Variants in RBMS3 observed in about 807,000 individuals in gnomAD.
The protein encoded by RBMS3 is RNA-binding motif, single-stranded-interacting protein 3.
RBMS3 carries 27 observed loss-of-function variants against 66.8 expected under a neutral mutation model. That is an observed-to-expected ratio of 0.40 (90% CI 0.30 to 0.56). The LOEUF is 0.56. Among genes scored for constraint, RBMS3 ranks in the 20% least tolerant of loss-of-function variants. The probability of loss-of-function intolerance (pLI) is 0.40; values close to 1 mark genes in which losing one functional copy is unlikely to be tolerated. For missense variants in RBMS3, 513 were observed against 549.5 expected (o/e 0.93, Z 0.66); for synonymous variants, 188 against 183.0 (o/e 1.03, Z -0.22).
rs71295051 is a variant in RBMS3, at chr3:29,796,712, C to CTTTTTTTTTTTTTTTTTT, written c.637+33740_637+33741insTTTTTTTTTTTTTTTTTT. Among the ~76,000 whole-genome samples, 30 of 115,270 alleles carry CTTTTTTTTTTTTTTTTTT rather than the reference C, an allele frequency of 2.6e-4. 5 individuals carry two copies. The highest frequency in any genetic ancestry group is 8.1e-4 in the African/African-American group (22 of 27,142). 75.6% of individuals were successfully genotyped at this position (115,270 alleles called of 152,430 possible). On this transcript the variant is annotated intron_variant, in intron 6 of 14. Transcript: ENST00000383767. ...TGAGAAGTAATATTTTGAAAGGAAT[C>CTTTTTTTTTTTTTTTTTT]TTTTTTTTTTTTTTTTTGGAGATGG...
intron 1 of RBMS3, among the ~76,000 whole-genome samples, chr3:29,416,653 G>C (rs2040488931): frequency 6.6e-6 from 1 of 152,006 alleles, no homozygotes; most frequent in Non-Finnish European, 1.5e-5. Context: ...GTTATTGCTA[G>C]CTGTTTTGTG....
chr3:29,864,838 GAAGGGAAGGGA>G (rs1190859989), intron 6 of RBMS3, among the ~76,000 whole-genome samples: 2 of 147,362 alleles, frequency 1.4e-5, no homozygotes, highest in Non-Finnish European at 3.0e-5. Context: ...GAAGGGAAGG[GAAGGGAAGGGA>G]AAGGGAAGGG....
chr3:29,741,405 A>G (rs865804163), intron 5 of RBMS3, among the ~76,000 whole-genome samples: 6 of 152,172 alleles, frequency 3.9e-5, no homozygotes, highest in South Asian at 2.1e-4. Context: ...AGTCATTCTT[A>G]TATAGTGTGC....
chr3:29,832,166 A>G (rs2058386527), intron 6 of RBMS3, among the ~76,000 whole-genome samples: 3 of 152,218 alleles, frequency 2.0e-5, no homozygotes. Context: ...TTTACTAGAC[A>G]AATGTTCTTA....
At chr3:29,824,403 G>T (rs1260390060) in intron 6 of RBMS3, among the ~76,000 whole-genome samples, 1 of 152,018 alleles carries the variant, frequency 6.6e-6, no homozygotes, top group Non-Finnish European at 1.5e-5. Flanking sequence ...ATAAATTTCT[G>T]TTGTTTATAA....
chr3:29,874,184 T>C (rs558239385), intron 7 of RBMS3, among the ~76,000 whole-genome samples: 1 of 152,300 alleles, frequency 6.6e-6, no homozygotes, highest in South Asian at 2.1e-4. Context: ...ACACAACATT[T>C]CTATTAGCTT....
At chr3:29,725,979 A>C (rs898000460) in intron 4 of RBMS3, among the ~76,000 whole-genome samples, 1 of 152,154 alleles carries the variant, frequency 6.6e-6, no homozygotes, top group Non-Finnish European at 1.5e-5. Context: ...TGCAAACCGA[A>C]TCTGGCAGCA....
Position 29,954,933 on chromosome 3 carries a change from A to G in RBMS3, c.1098+10679A>G, listed in dbSNP as rs143670414. On this transcript the variant is annotated intron_variant, in intron 12 of 14. Coordinates refer to ENST00000383767, the MANE Select transcript of RBMS3 (RefSeq NM_001003793.3). ...GAACAATTAGGAGTTACCTTAGTAGATAATTATCCCTACCATCTGATCACT... is the reference window on the plus strand; with the variant it reads ...GAACAATTAGGAGTTACCTTAGTAGGTAATTATCCCTACCATCTGATCACT... 9.5e-3 allele frequency among the ~76,000 whole-genome samples: 1,439 copies of G among 152,200 alleles called. 73 individuals carry two copies. The highest frequency in any genetic ancestry group is 0.077 in the Admixed American group (1,175 of 15,258).
chr3:29,614,322 A>G (rs2048586403), intron 4 of RBMS3: 1 of 152,152 alleles, frequency 6.6e-6, no homozygotes, highest in African/African-American at 2.4e-5. Context: ...GAGGGTGGAC[A>G]GGAATTAGAA....
chr3:29,374,842 A>G (rs2038385716), intron 1 of RBMS3, among the ~76,000 whole-genome samples: 1 of 152,350 alleles, frequency 6.6e-6, no homozygotes, highest in East Asian at 1.9e-4. Context: ...ACCATTATCT[A>G]TGCTTTGGCA....
chr3:29,319,579 A>G (rs527813034), intron 1 of RBMS3, among the ~76,000 whole-genome samples: 4 of 152,136 alleles, frequency 2.6e-5, no homozygotes, highest in African/African-American at 9.6e-5. Flanking sequence ...ACGGTACCTC[A>G]TTTAATCCTC....
intron 5 of RBMS3, among the ~76,000 whole-genome samples, chr3:29,749,234 A>G (rs530158574): frequency 1.2e-4 from 18 of 152,322 alleles, no homozygotes; most frequent in East Asian, 7.7e-4. Flanking sequence ...TTCTGGATTT[A>G]GTCTAAAATA....
chr3:29,453,212 T>C (rs1043182269), intron 2 of RBMS3, among the ~76,000 whole-genome samples: 11 of 152,322 alleles, frequency 7.2e-5, no homozygotes, highest in South Asian at 2.1e-4. Flanking sequence ...TGTTTTAGTA[T>C]GTAGCATTTG....
At chr3:29,425,885 C>G (rs1344813824) in intron 1 of RBMS3, among the ~76,000 whole-genome samples, 1 of 152,108 alleles carries the variant, frequency 6.6e-6, no homozygotes, top group Non-Finnish European at 1.5e-5. Flanking sequence ...TCTAGCTCAT[C>G]GTGAAAGCAG....
intron 4 of RBMS3, among the ~76,000 whole-genome samples, chr3:29,648,570 G>T (rs1451219966): frequency 6.6e-6 from 1 of 151,994 alleles, no homozygotes; most frequent in Non-Finnish European, 1.5e-5. Context: ...ACCACAACTG[G>T]CTAGGGGAAA....
chr3:29,814,697 G>C (rs2057829305), intron 6 of RBMS3, among the ~76,000 whole-genome samples: 1 of 152,016 alleles, frequency 6.6e-6, no homozygotes, highest in Non-Finnish European at 1.5e-5. Context: ...ACTTCTTCCT[G>C]GTTTAGTCTT....
chr3:29,937,447 T>G (rs561724551), intron 11 of RBMS3, among the ~76,000 whole-genome samples: 1 of 152,024 alleles, frequency 6.6e-6, no homozygotes. Flanking sequence ...TTTAAGAATA[T>G]AAGAAGTTAC....
chr3:29,424,412 A>T (rs2040861815), intron 1 of RBMS3, among the ~76,000 whole-genome samples: 1 of 152,208 alleles, frequency 6.6e-6, no homozygotes. Context: ...CAGGCGTTTC[A>T]GATGCAGGGA....
intron 14 of RBMS3, among the ~76,000 whole-genome samples, chr3:30,003,360 C>T (rs1156569283): frequency 6.6e-6 from 1 of 151,856 alleles, no homozygotes; most frequent in African/African-American, 2.4e-5. Context: ...ATAATCTTGA[C>T]AGGGGGAATG....
Sources: allele counts gnomAD v4.1 joint callset (sites outside exome capture counted in the v4.1 genomes callset), GRCh38; gene constraint gnomAD v4.1.1; transcripts MANE v1.5; gene names NCBI Gene and HGNC (gene_info 2026-07-23, HGNC 2026-07-21).